Variants in GNG4 observed in about 807,000 individuals in gnomAD.
GNG4 encodes guanine nucleotide-binding protein G(I)/G(S)/G(O) subunit gamma-4.
A neutral mutation model predicts 5.8 loss-of-function variants in GNG4; 4 were observed. The observed-to-expected ratio is 0.69, with a 90% CI of 0.34 to 1.57. The LOEUF is 1.57. Among genes scored for constraint, GNG4 ranks in the 40% most tolerant of loss-of-function variants. GNG4 has a pLI of 0.06. For synonymous variants in GNG4, 29 were observed against 32.9 expected, an observed-to-expected ratio of 0.88 and a Z score of 0.41; for missense variants, 96 against 95.1, an observed-to-expected ratio of 1.01 and a Z score of -0.04.
intron 3 of GNG4, among the ~76,000 whole-genome samples, chr1:235,553,989 G>A (rs921281449): frequency 2.0e-5 from 3 of 152,212 alleles, no homozygotes; most frequent in African/African-American, 7.2e-5. Flanking sequence ...AGTGTTTGAA[G>A]TTTGCAGTGG....
chr1:235,650,194 C>G (rs896462662), upstream of GNG4, among the ~76,000 whole-genome samples: 2 of 142,084 alleles, frequency 1.4e-5, no homozygotes, highest in Admixed American at 6.9e-5. Context: ...GCCCCGCCCC[C>G]CCGGAGCCCG....
In GNG4 at chr1:235,559,297, C is replaced by T. The variant is rs190061744; in HGVS notation, c.100-7060G>A. On this transcript the variant is annotated intron_variant, in intron 3 of 3. Coordinates refer to ENST00000391854, the MANE Select transcript of GNG4 (RefSeq NM_001098722.2). ...AGGTCTATAATGGTATATTTTTACA[C>T]GGTGAAATTTGGTGCACACTCCACT... Among the ~76,000 whole-genome samples, 64 of 152,256 alleles carry T rather than the reference C, an allele frequency of 4.2e-4. No individual in the cohort carries two copies. In the Middle Eastern group the frequency reaches 0.014, roughly 32 times the overall value.
In GNG4 at chr1:235,550,959, A is replaced by G. The variant is rs1451482759; in HGVS notation, c.*1150T>C. On this transcript the variant is annotated 3_prime_UTR_variant, in exon 4 of 4. Coordinates refer to ENST00000391854, the MANE Select transcript of GNG4 (RefSeq NM_001098722.2). ...CCTGCAGGGAAGGGGCTGCCCTACT[A>G]AAACCCCAGCGGGCCCAGTGCTGTG... The G allele has an allele frequency of 6.6e-6, 1 of 152,336 alleles. No individual in the cohort carries two copies. Among genetic ancestry groups the G allele is most frequent in the Admixed American group, 6.5e-5 (1 of 15,268 alleles). The allele number at this position is 152,336 out of a possible 1,614,324, so 9.4% of individuals were successfully genotyped here. A position where few individuals can be genotyped will look rare whatever the true frequency, so the allele number is the denominator to read the frequency against.
rs60121178 is a variant in GNG4 at position 235,551,559 on chromosome 1, C to CA, written c.*549dup. On this transcript the variant is annotated 3_prime_UTR_variant, in exon 4 of 4. Coordinates refer to ENST00000391854, the MANE Select transcript of GNG4 (RefSeq NM_001098722.2). ...CTCCATCTCAAAACAACAACAACAACAAAAAAAAAACAAAAGAAAACCATT... is the reference window on the plus strand; with the variant it reads ...CTCCATCTCAAAACAACAACAACAACAAAAAAAAAAACAAAAGAAAACCATT... 137 of 150,818 alleles carry CA rather than the reference C, an allele frequency of 9.1e-4. No individual in the cohort carries two copies. The highest frequency in any genetic ancestry group is 6.2e-3 in the East Asian group (32 of 5,144). The allele number at this position is 150,818 out of a possible 1,614,324, so 9.3% of individuals were successfully genotyped here.
In GNG4 at chr1:235,642,368, C is replaced by A. The variant is rs1309269379; in HGVS notation, c.-123+7294G>T. Among the ~76,000 whole-genome samples the A allele has an allele frequency of 1.3e-5, 2 of 152,218 alleles. No homozygotes were observed. Among genetic ancestry groups the A allele is most frequent in the African/African-American group, 4.8e-5 (2 of 41,464 alleles). ...AACTGAGCAAAACATAGAACAGAAA[C>A]TCCCTCTCGAATAGAGACCCACGCA... On this transcript the variant is annotated intron_variant, in intron 1 of 3. Coordinates refer to ENST00000391854, the MANE Select transcript of GNG4 (RefSeq NM_001098722.2). This position sits in a 1 kb window ranked among gnomAD's most constrained non-coding sequence, Gnocchi z 4.3.
chr1:235,592,140 G>T (rs915050740), intron 2 of GNG4, among the ~76,000 whole-genome samples: 1 of 152,298 alleles, frequency 6.6e-6, no homozygotes, highest in Non-Finnish European at 1.5e-5. Context: ...CCTACGGAAT[G>T]AATCAGCTGG....
chr1:235,565,864 T>A (rs541531956), intron 3 of GNG4: 84 of 152,300 alleles, frequency 5.5e-4, no homozygotes, highest in African/African-American at 2.0e-3. Context: ...TAGTGTTCTT[T>A]TTGGGGCAGC....
At chr1:235,599,078 T>C (rs1688191819) in intron 1 of GNG4, among the ~76,000 whole-genome samples, 2 of 152,116 alleles carry the variant, frequency 1.3e-5, no homozygotes, top group South Asian at 4.1e-4. Context: ...TGCTCAAGTC[T>C]GCATCTAGCT....
intron 1 of GNG4, among the ~76,000 whole-genome samples, chr1:235,624,384 T>A (rs909150592): frequency 6.6e-6 from 1 of 152,090 alleles, no homozygotes; most frequent in African/African-American, 2.4e-5. Flanking sequence ...AGTGTTGAGA[T>A]TGCAAGTGTG....
chr1:235,573,379 CG>C (rs1212016738), intron 3 of GNG4, among the ~76,000 whole-genome samples: 1 of 151,162 alleles, frequency 6.6e-6, no homozygotes, highest in African/African-American at 2.4e-5. Flanking sequence ...ATGTAAATGA[CG>C]AGTTAATGGG....
intron 1 of GNG4, among the ~76,000 whole-genome samples, chr1:235,633,502 T>C (rs1688974289): frequency 6.6e-6 from 1 of 152,242 alleles, no homozygotes; most frequent in Non-Finnish European, 1.5e-5. Context: ...AAATTTTTAT[T>C]TTTGAGACAG....
intron 3 of GNG4, among the ~76,000 whole-genome samples, chr1:235,577,372 A>G (rs1239243107): frequency 6.6e-6 from 1 of 152,124 alleles, no homozygotes; most frequent in East Asian, 1.9e-4. Context: ...TTCACCTGCT[A>G]GGCATTCTCA....
At chr1:235,637,417 C>A (rs1418769397) in intron 1 of GNG4, among the ~76,000 whole-genome samples, 2 of 151,392 alleles carry the variant, frequency 1.3e-5, no homozygotes, top group Admixed American at 1.3e-4. Context: ...CTTTCGGAGG[C>A]CAAGGTGGGG....
chr1:235,602,526 G>T (rs12137076), intron 1 of GNG4, among the ~76,000 whole-genome samples: 82,360 of 151,998 alleles, frequency 0.54, 23,181 homozygotes, highest in Non-Finnish European at 0.62. Flanking sequence ...TGCGTCTCTT[G>T]GTCACAGCAG....
chr1:235,612,676 C>G (rs1350361055), intron 1 of GNG4, among the ~76,000 whole-genome samples: 1 of 152,044 alleles, frequency 6.6e-6, no homozygotes, highest in East Asian at 1.9e-4. Flanking sequence ...GTGCACGCCA[C>G]TACGCCTGGC....
chr1:235,640,338 C>T (rs1333880427), intron 1 of GNG4, among the ~76,000 whole-genome samples: 1 of 152,178 alleles, frequency 6.6e-6, no homozygotes, highest in African/African-American at 2.4e-5. Flanking sequence ...AATCTGGTGG[C>T]TGCAAAACTC....
At chr1:235,603,307 C>T (rs1462178932) in intron 1 of GNG4, among the ~76,000 whole-genome samples, 3 of 151,606 alleles carry the variant, frequency 2.0e-5, no homozygotes, top group Non-Finnish European at 4.4e-5. Flanking sequence ...AGGGGAAGTC[C>T]TAATTCACCT....
At chr1:235,580,738 C>CTT (rs1687608304) in intron 3 of GNG4, among the ~76,000 whole-genome samples, 7 of 98,138 alleles carry the variant, frequency 7.1e-5, no homozygotes, top group East Asian at 5.8e-4. Context: ...CGGCCTATCC[C>CTT]GTTTTTTGTT....
At chr1:235,579,204 A>G (rs1687561353) in intron 3 of GNG4, among the ~76,000 whole-genome samples, 1 of 152,122 alleles carries the variant, frequency 6.6e-6, no homozygotes. Flanking sequence ...AAAATTGCTA[A>G]GAGAATAGGT....
Sources: allele counts gnomAD v4.1 joint callset (sites outside exome capture counted in the v4.1 genomes callset), GRCh38; gene constraint gnomAD v4.1.1; non-coding constraint Gnocchi (gnomAD v3.1); transcripts MANE v1.5; gene names NCBI Gene and HGNC (gene_info 2026-07-23, HGNC 2026-07-21).